Variants in SMOC1 observed in about 807,000 individuals in gnomAD.
SMOC1 encodes SPARC related modular calcium binding 1, also known as SPARC-related modular calcium-binding protein 1.
SMOC1 carries 22 observed loss-of-function variants against 56.3 expected under a neutral mutation model. The ratio of observed to expected loss-of-function variants is 0.39; its 90% CI spans 0.28 to 0.56. The LOEUF is 0.56. Ranked by LOEUF, SMOC1 falls within the 20% of genes least tolerant of loss-of-function variation. The pLI is 0.61. For missense variants in SMOC1, 509 were observed against 565.4 expected (o/e 0.90, Z 1.01); for synonymous variants, 193 against 215.0 (o/e 0.90, Z 0.89).
chr14:69,896,735 T>G (rs1439024340), intron 1 of SMOC1, among the ~76,000 whole-genome samples: 1 of 152,210 alleles, frequency 6.6e-6, no homozygotes, highest in Non-Finnish European at 1.5e-5. Flanking sequence ...TAAATGGAAG[T>G]CAGTGGAGGG....
chr14:69,929,254 C>G (rs564697970), intron 1 of SMOC1, among the ~76,000 whole-genome samples: 218 of 152,316 alleles, frequency 1.4e-3, no homozygotes, highest in African/African-American at 5.1e-3. Flanking sequence ...CTGCCTCCCC[C>G]AAACAATTTC....
Position 69,885,666 on chromosome 14 carries a change from G to C in SMOC1, c.99+5889G>C. Reference sequence around the variant, plus strand: ...ACCAGCTCGATGGGATCCATGTCGTGTGAAATCACCACCAGCTGAGCTTTC... The same window carrying C: ...ACCAGCTCGATGGGATCCATGTCGTCTGAAATCACCACCAGCTGAGCTTTC... On this transcript the variant is annotated intron_variant, in intron 1 of 11. Coordinates refer to ENST00000361956, the MANE Select transcript of SMOC1 (RefSeq NM_001034852.3). The C allele has an allele frequency of 3.4e-6, 5 of 1,450,264 alleles. No homozygotes were observed. In the South Asian group the frequency reaches 5.8e-5, roughly 17 times the overall value. 89.8% of individuals were successfully genotyped at this position (1,450,264 alleles called of 1,614,324 possible).
intron 11 of SMOC1, among the ~76,000 whole-genome samples, chr14:70,027,119 GA>G (rs1885955924): frequency 6.6e-6 from 1 of 152,162 alleles, no homozygotes; most frequent in South Asian, 2.1e-4. Context: ...CACTGCTCTG[GA>G]CCCAAGCAGC....
intron 11 of SMOC1, among the ~76,000 whole-genome samples, chr14:70,025,107 G>C (rs1566715754): frequency 6.6e-6 from 1 of 152,176 alleles, no homozygotes; most frequent in East Asian, 1.9e-4. Context: ...ATAGAGGGAT[G>C]TAGAGGGTGC....
At chr14:69,903,173 G>A (rs528682304) in intron 1 of SMOC1, among the ~76,000 whole-genome samples, 1 of 151,722 alleles carries the variant, frequency 6.6e-6, no homozygotes, top group African/African-American at 2.4e-5. Flanking sequence ...AGGAAGTCAG[G>A]AGCGTCTCTG....
chr14:69,912,466 G>A (rs1295141649), intron 1 of SMOC1, among the ~76,000 whole-genome samples: 7 of 152,080 alleles, frequency 4.6e-5, no homozygotes, highest in Non-Finnish European at 1.0e-4. Context: ...TGCCTGAGCC[G>A]GTCTCTAACT....
intron 3 of SMOC1, among the ~76,000 whole-genome samples, chr14:69,975,410 T>G (rs933791724): frequency 4.6e-5 from 7 of 152,126 alleles, no homozygotes; most frequent in Non-Finnish European, 7.4e-5. Flanking sequence ...AGAAAACAAA[T>G]GTACAGGTAT....
At position 69,933,473 on chromosome 14, in the gene SMOC1, A is replaced by G. The variant is rs370984898; in HGVS notation, c.100-18665A>G. On this transcript the variant is annotated intron_variant, in intron 1 of 11. Coordinates refer to ENST00000361956, the MANE Select transcript of SMOC1 (RefSeq NM_001034852.3). ...GTTCTTTATACAGCTGTGTGTTAAA[A>G]ATCACTGTAATACAAAATTAGAAAG... 1.3e-3 allele frequency among the ~76,000 whole-genome samples: 197 copies of G among 152,330 alleles called. 1 individual carries two copies. In the South Asian group the frequency reaches 0.033, roughly 26 times the overall value.
intron 1 of SMOC1, among the ~76,000 whole-genome samples, chr14:69,921,147 C>T (rs373642150): frequency 2.0e-5 from 3 of 152,298 alleles, no homozygotes; most frequent in African/African-American, 7.2e-5. Context: ...GGCCAGATGC[C>T]TCCTGAGCAT....
intron 3 of SMOC1, among the ~76,000 whole-genome samples, chr14:69,961,668 G>A (rs952955056): frequency 2.6e-5 from 4 of 152,084 alleles, no homozygotes; most frequent in Admixed American, 1.3e-4. Flanking sequence ...GGGCCACCAC[G>A]CCTGGCCTGT....
chr14:69,890,689 T>C (rs916820996), intron 1 of SMOC1, among the ~76,000 whole-genome samples: 5 of 152,248 alleles, frequency 3.3e-5, no homozygotes, highest in African/African-American at 1.2e-4. Flanking sequence ...GTGCCAGGAC[T>C]GCTCATTTTC....
At chr14:69,937,995 G>A (rs1034865221) in intron 1 of SMOC1, among the ~76,000 whole-genome samples, 11 of 152,164 alleles carry the variant, frequency 7.2e-5, no homozygotes, top group African/African-American at 2.7e-4. Context: ...GCTTAGTGCT[G>A]TAAGGGAGTG....
At chr14:70,028,054 G>T (rs1885998598) in intron 11 of SMOC1, among the ~76,000 whole-genome samples, 1 of 152,192 alleles carries the variant, frequency 6.6e-6, no homozygotes, top group Admixed American at 6.5e-5. Flanking sequence ...GCTGGGGGAA[G>T]GATGCCGAGC....
At position 70,030,202 on chromosome 14, in the gene SMOC1, CTT is replaced by C. The variant is rs34504720; in HGVS notation, c.1292-24_1292-23del. On this transcript the variant is annotated intron_variant, in intron 11 of 11. Coordinates refer to ENST00000361956, the MANE Select transcript of SMOC1 (RefSeq NM_001034852.3). ...CTTCTTGCTTATATCTGCCCCCGACCTTTTTTTTTTTTTTTTTGCATTCTCCT... is the reference window on the plus strand; with the variant it reads ...CTTCTTGCTTATATCTGCCCCCGACCTTTTTTTTTTTTTTTGCATTCTCCT... The C allele has an allele frequency of 0.064, 91,520 of 1,422,602 alleles. 6 individuals are homozygous for C. Among genetic ancestry groups the C allele is most frequent in the East Asian group, 0.11 (4,481 of 39,762 alleles). The allele number at this position is 1,422,602 out of a possible 1,614,324, so 88.1% of individuals were successfully genotyped here. A position where few individuals can be genotyped will look rare whatever the true frequency, so the allele number is the denominator to read the frequency against.
chr14:69,952,193 C>G lies in SMOC1; in HGVS notation c.155C>G (p.Pro52Arg), dbSNP rs565880383. Residue 52 changes from proline (P) to arginine (R), a missense_variant, in exon 2 of 12, where the codon CCC becomes CGC. Transcript: ENST00000361956. ...QCNLHCSRTQ[P>R]KPICASDGRS... is the part of the protein sequence containing the mutation. ...AACCTCCACTGCTCCAGGACTCAAC[C>G]CAAACCCATCTGTGCCTCTGATGGC... 1.9e-6 allele frequency: 3 copies of G among 1,614,160 alleles called. No individual in the cohort carries two copies. The highest frequency in any genetic ancestry group is 2.7e-5 in the African/African-American group (2 of 75,040).
At position 69,885,930 on chromosome 14, in the gene SMOC1, A is replaced by G; in HGVS notation, c.99+6153A>G. 3.8e-6 allele frequency: 6 copies of G among 1,597,684 alleles called. No homozygotes were observed. In the Admixed American group the frequency reaches 8.4e-5, roughly 22 times the overall value. On this transcript the variant is annotated intron_variant, in intron 1 of 11. Coordinates refer to ENST00000361956, the MANE Select transcript of SMOC1 (RefSeq NM_001034852.3). ...GCAGGAGGCACTTTCAGCCGCTTATAGAGGATGGCTCTCTGCCGCTGCAAC... is the reference window on the plus strand; with the variant it reads ...GCAGGAGGCACTTTCAGCCGCTTATGGAGGATGGCTCTCTGCCGCTGCAAC...
At chr14:70,023,088 G>A in intron 10 of SMOC1, 115 bp from the exon 11 acceptor site, 1 of 1,533,948 alleles carries the variant, frequency 6.5e-7, no homozygotes, top group Non-Finnish European at 9.0e-7. Context: ...GGTGGACTTT[G>A]GCTTGGAGGA....
chr14:69,948,748 A>G (rs1882885976), intron 1 of SMOC1, among the ~76,000 whole-genome samples: 1 of 152,188 alleles, frequency 6.6e-6, no homozygotes, highest in South Asian at 2.1e-4. Context: ...ACAAGAACTT[A>G]TACGTGACTT....
chr14:69,971,757 C>G (rs894429973), intron 3 of SMOC1, among the ~76,000 whole-genome samples: 12 of 152,202 alleles, frequency 7.9e-5, no homozygotes, highest in African/African-American at 2.9e-4. Context: ...ACACCCTGAT[C>G]GCTTTTCTGC....
Sources: gnomAD v4.1 joint callset for allele counts (sites outside exome capture counted in the v4.1 genomes callset) on GRCh38, gnomAD v4.1.1 for gene constraint, MANE v1.5 for transcripts, NCBI Gene and HGNC (gene_info 2026-07-23, HGNC 2026-07-21) for gene names.